Variants in ABHD17C observed in about 807,000 individuals in gnomAD.
The protein encoded by ABHD17C is alpha/beta hydrolase domain-containing protein 17C.
In ABHD17C, 11 loss-of-function variants were observed where a neutral mutation model predicts 27.9. The ratio of observed to expected loss-of-function variants is 0.39; its 90% CI spans 0.25 to 0.65. The LOEUF is 0.65. Ranked by LOEUF, ABHD17C falls within the 30% of genes least tolerant of loss-of-function variation. ABHD17C has a pLI of 0.45. For missense variants in ABHD17C, 280 were observed against 470.2 expected, an observed-to-expected ratio of 0.60 and a Z score of 3.74; for synonymous variants, 233 against 209.1, an observed-to-expected ratio of 1.11 and a Z score of -0.98.
rs1298645918 is a variant in ABHD17C at position 80,695,825 on chromosome 15, C to T, written c.396C>T (p.Arg132=). The T allele has an allele frequency of 3.2e-6, 5 of 1,581,108 alleles. No homozygotes were observed. Among genetic ancestry groups the T allele is most frequent in the Non-Finnish European group, 4.3e-6 (5 of 1,172,268 alleles). The part of the protein sequence containing the change: ...CMFVRCAPSS[R]YTLLFSHGNA... ...TCGTGCGCTGCGCGCCCTCCAGCCG[C>T]TACACGCTGCTCTTCTCGCACGGCA... Residue 132 remains arginine (R), a synonymous_variant, in exon 1 of 3, where the codon CGC becomes CGT. Coordinates refer to ENST00000258884, the MANE Select transcript of ABHD17C (RefSeq NM_021214.2). The surrounding 1 kb of genome is among the most constrained non-coding windows in gnomAD (Gnocchi z 4.3).
chr15:80,723,136 A>ATGTGTGTGTGTGTGTG (rs1323977699), intron 1 of ABHD17C, among the ~76,000 whole-genome samples: 30 of 92,514 alleles, frequency 3.2e-4, no homozygotes, highest in African/African-American at 8.0e-4. Flanking sequence ...GTGTGTGTAT[A>ATGTGTGTGTGTGTGTG]TATGTGTGTG....
chr15:80,750,841 A>C (rs1895356469), intron 2 of ABHD17C, among the ~76,000 whole-genome samples: 1 of 152,090 alleles, frequency 6.6e-6, no homozygotes, highest in Non-Finnish European at 1.5e-5. Flanking sequence ...TGTTTGTGGG[A>C]AGCAATGCGG....
chr15:80,733,560 C>A (rs1447814631), intron 1 of ABHD17C, among the ~76,000 whole-genome samples: 2 of 152,118 alleles, frequency 1.3e-5, no homozygotes, highest in African/African-American at 4.8e-5. Context: ...AGGGATGCTC[C>A]AAAAAGACAG....
At chr15:80,696,086 G>A in intron 1 of ABHD17C, 67 bp downstream of exon 1, 1 of 1,441,484 alleles carries the variant, frequency 6.9e-7, no homozygotes, top group Non-Finnish European at 9.3e-7. Context: ...GTCTCTTGGG[G>A]CCCCTGGGGC....
At chr15:80,739,654 G>A (rs1895179659) in intron 1 of ABHD17C, among the ~76,000 whole-genome samples, 1 of 152,186 alleles carries the variant, frequency 6.6e-6, no homozygotes, top group Non-Finnish European at 1.5e-5. Context: ...CCATCCATGA[G>A]AAAGGCTTCC....
intron 1 of ABHD17C, among the ~76,000 whole-genome samples, chr15:80,701,211 A>G (rs980363804): frequency 2.6e-5 from 4 of 152,166 alleles, no homozygotes; most frequent in Non-Finnish European, 5.9e-5. Flanking sequence ...AATGGTGTTC[A>G]CAGCCAGCAG....
At chr15:80,709,354 T>C (rs12440033) in intron 1 of ABHD17C, among the ~76,000 whole-genome samples, 32,731 of 151,444 alleles carry the variant, frequency 0.22, 4,845 homozygotes, top group African/African-American at 0.42. Flanking sequence ...CCAGGTGTCG[T>C]AGTGCACACC....
intron 1 of ABHD17C, among the ~76,000 whole-genome samples, chr15:80,714,310 G>A (rs1171565369): frequency 6.6e-6 from 1 of 152,148 alleles, no homozygotes; most frequent in Admixed American, 6.5e-5. Context: ...TGGTGTATCC[G>A]GCATTCCTTG....
intron 1 of ABHD17C, among the ~76,000 whole-genome samples, chr15:80,730,108 C>CA (rs34002725): frequency 4.8e-4 from 69 of 144,860 alleles, no homozygotes; most frequent in South Asian, 2.8e-3. Context: ...GACTCCATCT[C>CA]AAAAAAAAAA....
chr15:80,745,185 A>G (rs1895265974), intron 1 of ABHD17C, among the ~76,000 whole-genome samples: 2 of 152,186 alleles, frequency 1.3e-5, no homozygotes, highest in South Asian at 4.1e-4. Context: ...CAGGAAGGAC[A>G]TCCTTCTCTC....
intron 1 of ABHD17C, among the ~76,000 whole-genome samples, chr15:80,699,302 A>G (rs1192552186): frequency 6.6e-6 from 1 of 152,220 alleles, no homozygotes; most frequent in Non-Finnish European, 1.5e-5. Context: ...CGAATTGCAC[A>G]TAATGGGCGC....
intron 1 of ABHD17C, among the ~76,000 whole-genome samples, chr15:80,719,167 C>T (rs775870694): frequency 4.6e-5 from 7 of 152,106 alleles, no homozygotes; most frequent in Admixed American, 3.9e-4. Context: ...CAGAAAAGAT[C>T]ACGAAGAAAA....
In ABHD17C at chr15:80,729,830, G is replaced by A. The variant is rs558100554; in HGVS notation, c.591-19683G>A. On this transcript the variant is annotated intron_variant, in intron 1 of 2. Transcript: ENST00000258884. ...GGGTTTTGAAAGAGGAGAGAACTCA[G>A]GCCGGGTGCAGTGGCTTACGCCTGT... is the stretch of plus-strand genomic sequence containing the variant. Among the ~76,000 whole-genome samples the A allele has an allele frequency of 1.1e-4, 16 of 152,304 alleles. No individual in the cohort carries two copies. The East Asian group carries it at 2.9e-3, about 28-fold the overall frequency.
chr15:80,731,788 C>T (rs1895060701), intron 1 of ABHD17C, among the ~76,000 whole-genome samples: 2 of 151,720 alleles, frequency 1.3e-5, no homozygotes, highest in South Asian at 4.2e-4. Flanking sequence ...CTGGAATTTT[C>T]CTTGGTACTT....
At chr15:80,700,650 C>G (rs1042725636) in intron 1 of ABHD17C, among the ~76,000 whole-genome samples, 2 of 152,110 alleles carry the variant, frequency 1.3e-5, no homozygotes, top group Non-Finnish European at 2.9e-5. Context: ...GTAAACCCAG[C>G]AATTTGGGAG....
chr15:80,712,527 A>T (rs1000018984), intron 1 of ABHD17C, among the ~76,000 whole-genome samples: 1 of 152,222 alleles, frequency 6.6e-6, no homozygotes, highest in African/African-American at 2.4e-5. Flanking sequence ...TTATTTTCTT[A>T]AGAGCAGCCT....
chr15:80,696,608 A>T (rs954852921), intron 1 of ABHD17C, among the ~76,000 whole-genome samples: 1 of 152,154 alleles, frequency 6.6e-6, no homozygotes, highest in Non-Finnish European at 1.5e-5. Flanking sequence ...TGGGGCAGGA[A>T]GTTAGCTGGT....
At position 80,718,702 on chromosome 15, in the gene ABHD17C, A is replaced by G. The variant is rs116540998; in HGVS notation, c.590+22683A>G. Among the ~76,000 whole-genome samples the G allele has an allele frequency of 2.9e-3, 437 of 152,236 alleles. 3 individuals are homozygous for G. The highest frequency in any genetic ancestry group is 9.8e-3 in the African/African-American group (408 of 41,540). Reference sequence around the variant, plus strand: ...TCCTTGCCACTGACCTTAATATTCAATCTTGGTTTTTAGATCAGATTCTTA... The same window carrying G: ...TCCTTGCCACTGACCTTAATATTCAGTCTTGGTTTTTAGATCAGATTCTTA... On this transcript the variant is annotated intron_variant, in intron 1 of 2. Transcript: ENST00000258884.
chr15:80,753,373 A>G (rs1895389228), intron 2 of ABHD17C, among the ~76,000 whole-genome samples: 1 of 152,220 alleles, frequency 6.6e-6, no homozygotes, highest in Non-Finnish European at 1.5e-5. Context: ...ACATTAGTGG[A>G]AAAACTAGTG....
Sources: gnomAD v4.1 joint callset for allele counts (sites outside exome capture counted in the v4.1 genomes callset) on GRCh38, gnomAD v4.1.1 for gene constraint, Gnocchi (gnomAD v3.1) non-coding constraint, MANE v1.5 for transcripts, NCBI Gene and HGNC (gene_info 2026-07-23, HGNC 2026-07-21) for gene names.